Variants in LANCL2 observed in about 807,000 individuals in gnomAD.
The protein encoded by LANCL2 is LanC like glutathione S-transferase 2.
In LANCL2, 33 loss-of-function variants were observed where a neutral mutation model predicts 56.9. The observed-to-expected ratio is 0.58, with a 90% CI of 0.44 to 0.78. The LOEUF is 0.78. LANCL2 is among the 30% of genes least tolerant of loss of function. The probability of loss-of-function intolerance (pLI) is 0.00; values close to 1 mark genes in which losing one functional copy is unlikely to be tolerated. For missense variants in LANCL2, 562 were observed against 580.2 expected (o/e 0.97, Z 0.32); for synonymous variants, 233 against 228.2 (o/e 1.02, Z -0.19).
chr7:55,421,339 CT>C (rs11416515), intron 6 of LANCL2, among the ~76,000 whole-genome samples: 378 of 104,622 alleles, frequency 3.6e-3, no homozygotes, highest in Middle Eastern at 0.014. Context: ...TCTGTTGACT[CT>C]TTTTTTTTTT....
intron 7 of LANCL2, among the ~76,000 whole-genome samples, chr7:55,427,832 G>A (rs940830427): frequency 6.6e-6 from 1 of 152,306 alleles, no homozygotes; most frequent in East Asian, 1.9e-4. Context: ...AGAAGAAAGG[G>A]TCAAGGAGCT....
Position 55,391,820 on chromosome 7 carries a change from C to T in LANCL2, c.232C>T (p.Gln78Ter), listed in dbSNP as rs760870301. Reference sequence around the variant, plus strand: ...CATTCATAATTTCATAAGACGGATCCAGACCAAAATTAAAGATCTTCTGCA... The same window carrying T: ...CATTCATAATTTCATAAGACGGATCTAGACCAAAATTAAAGATCTTCTGCA... ...KIIHNFIRRI[Q>*]TKIKDLLQQM... is the part of the protein sequence containing the mutation. Residue 78 changes from glutamine to a stop codon, truncating the protein, a stop_gained, in exon 2 of 9, where the codon CAG (glutamine) becomes TAG (stop). Transcript: ENST00000254770. LOFTEE classifies it high-confidence loss of function. 1.2e-6 allele frequency: 2 copies of T among 1,609,454 alleles called. No individual in the cohort carries two copies. Among genetic ancestry groups the T allele is most frequent in the South Asian group, 1.1e-5 (1 of 90,976 alleles).
chr7:55,369,667 A>G (rs1301532987), intron 1 of LANCL2, among the ~76,000 whole-genome samples: 1 of 151,422 alleles, frequency 6.6e-6, no homozygotes, highest in African/African-American at 2.4e-5. Flanking sequence ...GCCCAGCTCT[A>G]GGAGCTGAAT....
rs372094476 is a variant in LANCL2 at position 55,404,114 on chromosome 7, G to C, written c.825+2794G>C. 2.2e-4 allele frequency among the ~76,000 whole-genome samples: 34 copies of C among 152,310 alleles called. No individual in the cohort carries two copies. The South Asian group carries it at 7.0e-3, about 32-fold the overall frequency. On this transcript the variant is annotated intron_variant, in intron 5 of 8. Coordinates refer to ENST00000254770, the MANE Select transcript of LANCL2 (RefSeq NM_018697.4). ...GAGTACTGACTCTTCTATCAGGCCA[G>C]TAGAGACCCCATAACTAAACATTGC...
chr7:55,419,964 G>A (rs1790591083), intron 6 of LANCL2, among the ~76,000 whole-genome samples: 1 of 152,028 alleles, frequency 6.6e-6, no homozygotes, highest in Non-Finnish European at 1.5e-5. Context: ...ACCAACCTGG[G>A]CAACATAGTG....
rs1206986106 is a variant in LANCL2, at chr7:55,397,446, G to A, written c.323-977G>A. Among the ~76,000 whole-genome samples the A allele has an allele frequency of 8.0e-5, 10 of 125,330 alleles. No homozygotes were observed. The East Asian group carries it at 2.5e-3, about 31-fold the overall frequency. The allele number at this position is 125,330 out of a possible 152,430, so 82.2% of individuals were successfully genotyped here. ...GCTGCACTCCAGCCTGGGCAACAGAGCAAGACTCTGTCTCAAAAAAAAAAA... is the reference window on the plus strand; with the variant it reads ...GCTGCACTCCAGCCTGGGCAACAGAACAAGACTCTGTCTCAAAAAAAAAAA... On this transcript the variant is annotated intron_variant, in intron 2 of 8. Coordinates refer to ENST00000254770, the MANE Select transcript of LANCL2 (RefSeq NM_018697.4).
chr7:55,383,840 C>CTATA (rs61440932), intron 1 of LANCL2, among the ~76,000 whole-genome samples: 3 of 151,582 alleles, frequency 2.0e-5, no homozygotes, highest in Admixed American at 6.6e-5. Flanking sequence ...TCGTCTCTCT[C>CTATA]TATATATATA....
chr7:55,405,653 C>T (rs561104664), intron 5 of LANCL2, among the ~76,000 whole-genome samples: 136 of 146,914 alleles, frequency 9.3e-4, no homozygotes, highest in South Asian at 8.1e-3. Flanking sequence ...CATGCCTGGC[C>T]GGAACTTTTT....
At chr7:55,427,244 G>A (rs562884853) in intron 7 of LANCL2, among the ~76,000 whole-genome samples, 1 of 152,318 alleles carries the variant, frequency 6.6e-6, no homozygotes, top group South Asian at 2.1e-4. Context: ...CTCTAGACCA[G>A]TTAAATGAGG....
At chr7:55,406,314 G>C (rs116616511) in intron 5 of LANCL2, among the ~76,000 whole-genome samples, 13 of 152,214 alleles carry the variant, frequency 8.5e-5, no homozygotes, top group African/African-American at 3.1e-4. Flanking sequence ...GTCCTTCATA[G>C]GCTGGCCAGA....
intron 8 of LANCL2, among the ~76,000 whole-genome samples, chr7:55,430,968 C>T (rs1015905234): frequency 1.3e-5 from 2 of 152,160 alleles, no homozygotes; most frequent in Non-Finnish European, 2.9e-5. Flanking sequence ...TGTGATGCCA[C>T]CTTAAAGTTT....
At chr7:55,424,820 T>C (rs1790645534) in intron 6 of LANCL2, among the ~76,000 whole-genome samples, 1 of 152,242 alleles carries the variant, frequency 6.6e-6, no homozygotes, top group African/African-American at 2.4e-5. Flanking sequence ...CATTACTGTC[T>C]GAGCTCTGCC....
At chr7:55,391,345 T>G (rs1790187969) in intron 1 of LANCL2, among the ~76,000 whole-genome samples, 5 of 152,194 alleles carry the variant, frequency 3.3e-5, no homozygotes. Context: ...TGCTTATCAT[T>G]TGTTTTTTCT....
intron 6 of LANCL2, among the ~76,000 whole-genome samples, chr7:55,413,709 A>C (rs1790496068): frequency 6.6e-6 from 1 of 152,246 alleles, no homozygotes. Flanking sequence ...AATACCATTC[A>C]GACACCTTGC....
In LANCL2 at chr7:55,412,076, T is replaced by C; in HGVS notation, c.995T>C (p.Met332Thr). The change falls in exon 6 of 9, where the codon ATG becomes ACG. Residue 332 changes from methionine (M) to threonine (T), a missense_variant. By Grantham distance (81) the Met-to-Thr change is moderately conservative. Around this residue, in one of 2 missense-constraint regions of LANCL2, gnomAD observed 378 missense variants for 468.4 expected, o/e 0.81. Coordinates refer to ENST00000254770, the MANE Select transcript of LANCL2 (RefSeq NM_018697.4). The stretch of plus-strand genomic sequence containing the variant: ...GCCCCGGGGGTCATCCACATGCTCA[T>C]GCAGGCGTACAAGGTCAGTGCTTCC... ...HGAPGVIHML[M>T]QAYKVFKEEK... 2 of 1,614,050 alleles carry C rather than the reference T, an allele frequency of 1.2e-6. No individual in the cohort carries two copies. The highest frequency in any genetic ancestry group is 1.7e-6 in the Non-Finnish European group (2 of 1,179,926).
In LANCL2 at chr7:55,398,497, G is replaced by A; in HGVS notation, c.397G>A (p.Val133Ile). 9 of 1,614,174 alleles carry A rather than the reference G, an allele frequency of 5.6e-6. No individual in the cohort carries two copies. The highest frequency in any genetic ancestry group is 2.2e-5 in the South Asian group (2 of 91,078). ...QTYLLRSLDY[V>I]KRTLRNLNGR... ...CTACCTGCTCCGATCCCTGGATTAC[G>A]TAAAAAGAACACTTCGGAATCTGAA... Residue 133 changes from valine (V) to isoleucine (I), a missense_variant, in exon 3 of 9, where the codon GTA (valine) becomes ATA (isoleucine). Physicochemically the swap from Val to Ile is conservative, Grantham distance 29. Coordinates refer to ENST00000254770, the MANE Select transcript of LANCL2 (RefSeq NM_018697.4).
chr7:55,406,758 TA>T (rs1790412221), intron 5 of LANCL2, among the ~76,000 whole-genome samples: 1 of 152,156 alleles, frequency 6.6e-6, no homozygotes, highest in Non-Finnish European at 1.5e-5. Context: ...GATAGCAGAA[TA>T]AAAACAGTTC....
At chr7:55,373,275 A>ATATTTATTTATTTATT (rs55805701) in intron 1 of LANCL2, among the ~76,000 whole-genome samples, 39 of 148,046 alleles carry the variant, frequency 2.6e-4, no homozygotes, top group African/African-American at 7.2e-4. Flanking sequence ...AATTTTTTAA[A>ATATTTATTTATTTATT]TATTTATTTA....
chr7:55,382,430 C>G (rs1168000347), intron 1 of LANCL2, among the ~76,000 whole-genome samples: 7 of 152,162 alleles, frequency 4.6e-5, no homozygotes, highest in African/African-American at 1.7e-4. Flanking sequence ...TGCCCGCTGC[C>G]CACACAGAGC....
Sources: allele counts gnomAD v4.1 joint callset (sites outside exome capture counted in the v4.1 genomes callset), GRCh38; gene constraint gnomAD v4.1.1; regional missense constraint gnomAD v4.1.1; transcripts MANE v1.5; gene names NCBI Gene and HGNC (gene_info 2026-07-23, HGNC 2026-07-21).